The following VAV2 variants were observed in gnomAD, a reference collection of about 807,000 sequenced individuals.
VAV2 encodes the protein vav guanine nucleotide exchange factor 2.
VAV2 carries 67 observed loss-of-function variants against 132.5 expected under a neutral mutation model. The ratio of observed to expected loss-of-function variants is 0.51; its 90% confidence interval spans 0.42 to 0.62. The LOEUF (loss-of-function observed/expected upper bound fraction) is 0.62, where lower values mean the gene tolerates loss of function less well. Ranked by LOEUF, VAV2 falls within the 20% of genes least tolerant of loss-of-function variation. The pLI is 0.00. For missense variants in VAV2, 938 were observed against 1,153.6 expected (o/e 0.81, Z 2.71); for synonymous variants, 492 against 443.5 (o/e 1.11, Z -1.37).
intron 4 of VAV2, among the ~76,000 whole-genome samples, chr9:133,813,415 C>G (rs901139567): frequency 1.3e-5 from 2 of 152,256 alleles, no homozygotes; most frequent in Admixed American, 6.5e-5. Flanking sequence ...TCCCAAACCT[C>G]GCCTTTGAAT....
intron 2 of VAV2, among the ~76,000 whole-genome samples, chr9:133,915,611 GCA>G (rs1250232650): frequency 6.6e-6 from 1 of 151,866 alleles, no homozygotes; most frequent in Non-Finnish European, 1.5e-5. Flanking sequence ...CCCACACAAT[GCA>G]CACATAATGC....
chr9:133,895,476 TA>T, intron 2 of VAV2, among the ~76,000 whole-genome samples: 1 of 152,364 alleles, frequency 6.6e-6, no homozygotes, highest in Middle Eastern at 3.4e-3. Context: ...CACTATGGAC[TA>T]TCACGCCGAC....
chr9:133,819,658 C>T (rs74494486), intron 4 of VAV2, among the ~76,000 whole-genome samples: 5,082 of 152,214 alleles, frequency 0.033, 173 homozygotes, highest in African/African-American at 0.095. Context: ...CCCTTCCTAC[C>T]GGGCCCTCCT....
chr9:133,793,490 C>G (rs566072616), intron 12 of VAV2, among the ~76,000 whole-genome samples: 1 of 152,158 alleles, frequency 6.6e-6, no homozygotes, highest in Non-Finnish European at 1.5e-5. Context: ...TGTCGTTGTC[C>G]ACTTGCCTTT....
intron 4 of VAV2, among the ~76,000 whole-genome samples, chr9:133,825,958 GCA>G (rs1333569002): frequency 3.3e-5 from 5 of 152,214 alleles, no homozygotes; most frequent in Admixed American, 6.5e-5. Context: ...ATTTAAAGCT[GCA>G]CAGTCATTTT....
chr9:133,920,983 G>A (rs962645113), intron 2 of VAV2, among the ~76,000 whole-genome samples: 1 of 152,180 alleles, frequency 6.6e-6, no homozygotes, highest in Non-Finnish European at 1.5e-5. Context: ...AACTCTAATT[G>A]GGGATATAGC....
chr9:133,806,248 T>G (rs1835138376), intron 8 of VAV2, 67 bp from the exon 9 acceptor site: 1 of 1,470,920 alleles, frequency 6.8e-7, no homozygotes, highest in Non-Finnish European at 9.3e-7. Context: ...GCGCCGCCCT[T>G]AAAGTGCCCT....
intron 1 of VAV2, among the ~76,000 whole-genome samples, chr9:133,955,608 C>T (rs1841736977): frequency 3.1e-5 from 1 of 32,346 alleles, no homozygotes; most frequent in East Asian, 9.7e-4. Flanking sequence ...TCCCCACACC[C>T]CCACTCCTCC....
intron 1 of VAV2, among the ~76,000 whole-genome samples, chr9:133,966,524 G>A (rs1185403436): frequency 2.0e-5 from 3 of 152,120 alleles, no homozygotes; most frequent in East Asian, 1.9e-4. Context: ...TGTGCAATAT[G>A]GCGAGACCCC....
At chr9:133,795,880 G>A in intron 11 of VAV2, 144 bp from the exon 12 acceptor site, 6 of 789,436 alleles carry the variant, frequency 7.6e-6, no homozygotes, top group South Asian at 7.0e-5. Flanking sequence ...GGGTTTGGCT[G>A]CCCGACACCA....
intron 2 of VAV2, among the ~76,000 whole-genome samples, chr9:133,895,650 G>A (rs1588331028): frequency 6.6e-6 from 1 of 152,168 alleles, no homozygotes; most frequent in Non-Finnish European, 1.5e-5. Context: ...AAATTTGGGG[G>A]GGATGAGGAG....
intron 4 of VAV2, among the ~76,000 whole-genome samples, chr9:133,815,184 C>T (rs1835510337): frequency 6.6e-6 from 1 of 151,890 alleles, no homozygotes; most frequent in Admixed American, 6.6e-5. Flanking sequence ...AGGCAGAGTC[C>T]CCCGCCCGCC....
rs145638599 is a variant in VAV2, at chr9:133,765,911, G to GA, written c.2590-1803dup. Among the ~76,000 whole-genome samples, 1,173 of 152,258 alleles carry GA rather than the reference G, an allele frequency of 7.7e-3. 19 individuals carry two copies. The highest frequency in any genetic ancestry group is 0.026 in the African/African-American group (1,098 of 41,534). ...GGCAGGTTACTGACACTTTTAAGTT[G>GA]AAATTTTGAAATTGTACGTTTGAAA... On this transcript the variant is annotated intron_variant, in intron 29 of 29. Transcript: ENST00000371850.
At chr9:133,917,000 A>G (rs1223628096) in intron 2 of VAV2, among the ~76,000 whole-genome samples, 1 of 152,156 alleles carries the variant, frequency 6.6e-6, no homozygotes, top group East Asian at 1.9e-4. Context: ...CTCAGCAAGG[A>G]CTAATAAGGA....
chr9:133,976,663 C>T (rs981780269), intron 1 of VAV2, among the ~76,000 whole-genome samples: 7 of 152,354 alleles, frequency 4.6e-5, no homozygotes, highest in East Asian at 1.9e-4. Context: ...CGCCTTCTCC[C>T]GGCAGCTACG....
chr9:133,850,905 A>C (rs537990121), intron 3 of VAV2, among the ~76,000 whole-genome samples: 1 of 152,328 alleles, frequency 6.6e-6, no homozygotes, highest in Non-Finnish European at 1.5e-5. Flanking sequence ...CCTGCTGTCG[A>C]CTGGCACACC....
intron 1 of VAV2, among the ~76,000 whole-genome samples, chr9:133,945,429 G>A (rs1034444251): frequency 2.0e-5 from 3 of 152,178 alleles, no homozygotes; most frequent in Non-Finnish European, 4.4e-5. Flanking sequence ...TAACTAGCAC[G>A]CATGCGCCAT....
chr9:133,901,197 A>G (rs1260787934), intron 2 of VAV2, among the ~76,000 whole-genome samples: 1 of 152,176 alleles, frequency 6.6e-6, no homozygotes, highest in Non-Finnish European at 1.5e-5. Context: ...TTTTAGGAAC[A>G]TTTCATGTAA....
chr9:133,862,954 C>G (rs1225398989), intron 2 of VAV2, among the ~76,000 whole-genome samples: 1 of 152,144 alleles, frequency 6.6e-6, no homozygotes, highest in African/African-American at 2.4e-5. Context: ...GCTCGTGATT[C>G]GGGACCGGCG....
Sources: allele counts gnomAD v4.1 joint callset (sites outside exome capture counted in the v4.1 genomes callset), GRCh38; gene constraint gnomAD v4.1.1; transcripts MANE v1.5; gene names NCBI Gene and HGNC (gene_info 2026-07-23, HGNC 2026-07-21).